The following PELI2 variants were observed in gnomAD, a reference collection of about 807,000 sequenced individuals.
PELI2 encodes E3 ubiquitin-protein ligase pellino homolog 2.
Under a neutral mutation model 42.3 loss-of-function variants are expected in PELI2, and 23 were observed. The observed-to-expected ratio is 0.54, with a 90% CI of 0.39 to 0.77. The LOEUF is 0.77. PELI2 is among the 30% of genes least tolerant of loss of function. PELI2 has a pLI of 0.00. For synonymous variants in PELI2, 245 were observed against 212.2 expected (o/e 1.15, Z -1.34); for missense variants, 463 against 553.2 (o/e 0.84, Z 1.64).
chr14:56,265,201 A>G (rs1406983806), intron 2 of PELI2, among the ~76,000 whole-genome samples: 1 of 152,162 alleles, frequency 6.6e-6, no homozygotes, highest in Non-Finnish European at 1.5e-5. Flanking sequence ...AAACATAAGA[A>G]CAGAATTGGA....
intron 1 of PELI2, among the ~76,000 whole-genome samples, chr14:56,127,735 T>G (rs1006538466): frequency 6.6e-6 from 1 of 152,220 alleles, no homozygotes; most frequent in Non-Finnish European, 1.5e-5. Context: ...ATTCCTCTAG[T>G]AGCTAAAGTG....
At chr14:56,152,778 G>A (rs1428809775) in intron 1 of PELI2, among the ~76,000 whole-genome samples, 1 of 152,120 alleles carries the variant, frequency 6.6e-6, no homozygotes, top group African/African-American at 2.4e-5. Flanking sequence ...AATTCTTATA[G>A]TAGATATATT....
At chr14:56,130,373 C>G (rs936092392) in intron 1 of PELI2, among the ~76,000 whole-genome samples, 6 of 152,146 alleles carry the variant, frequency 3.9e-5, no homozygotes, top group Non-Finnish European at 4.4e-5. Flanking sequence ...GAACCTAGGT[C>G]TTTCTGACTC....
chr14:56,275,208 C>T (rs1477195520), intron 2 of PELI2, among the ~76,000 whole-genome samples: 1 of 152,110 alleles, frequency 6.6e-6, no homozygotes, highest in African/African-American at 2.4e-5. Context: ...TGGCGACCTG[C>T]GTTCTCATCA....
At chr14:56,162,951 A>AT (rs35985019) in intron 1 of PELI2, among the ~76,000 whole-genome samples, 1,896 of 150,942 alleles carry the variant, frequency 0.013, 38 homozygotes, top group African/African-American at 0.043. Flanking sequence ...GGATTGTTAG[A>AT]TTTTTTTTTT....
chr14:56,265,626 AC>A (rs1888874123), intron 2 of PELI2, among the ~76,000 whole-genome samples: 1 of 152,124 alleles, frequency 6.6e-6, no homozygotes, highest in African/African-American at 2.4e-5. Context: ...TTAAGAACTT[AC>A]GCCTTTGGAA....
At chr14:56,232,999 T>A (rs1024901868) in intron 2 of PELI2, among the ~76,000 whole-genome samples, 4 of 152,026 alleles carry the variant, frequency 2.6e-5, no homozygotes, top group African/African-American at 9.7e-5. Flanking sequence ...GAAGTCCCAT[T>A]CACAGTTGCT....
At chr14:56,148,188 A>G (rs1884204196) in intron 1 of PELI2, among the ~76,000 whole-genome samples, 1 of 151,976 alleles carries the variant, frequency 6.6e-6, no homozygotes, top group Non-Finnish European at 1.5e-5. Context: ...AGCTTTTTTT[A>G]CTTCCTTATG....
Position 56,180,770 on chromosome 14 carries a change from C to CT in PELI2, c.207+2307dup, listed in dbSNP as rs1416523450. On this transcript the variant is annotated intron_variant, in intron 2 of 5. Coordinates refer to ENST00000267460, the MANE Select transcript of PELI2 (RefSeq NM_021255.3). This position sits in a 1 kb window ranked among gnomAD's most constrained non-coding sequence, Gnocchi z 4.4. Reference sequence around the variant, plus strand: ...CCTTACTCCTGCTCCCTCTCAAACTCTCATCCCTGCCAGCTGTGCCAGGCC... The same window carrying CT: ...CCTTACTCCTGCTCCCTCTCAAACTCTTCATCCCTGCCAGCTGTGCCAGGCC... 6.6e-6 allele frequency among the ~76,000 whole-genome samples: 1 copy of CT among 152,276 alleles called. No homozygotes were observed. Among genetic ancestry groups the CT allele is most frequent in the Admixed American group, 6.5e-5 (1 of 15,300 alleles).
Position 56,297,286 on chromosome 14 carries a change from A to ATT in PELI2, c.*120_*121insTT. 3 of 666,988 alleles carry ATT rather than the reference A, an allele frequency of 4.5e-6. No individual in the cohort carries two copies. Among genetic ancestry groups the ATT allele is most frequent in the Non-Finnish European group, 7.7e-6 (3 of 387,312 alleles). 41.3% of individuals were successfully genotyped at this position (666,988 alleles called of 1,614,324 possible). On this transcript the variant is annotated 3_prime_UTR_variant, in exon 6 of 6. Coordinates refer to ENST00000267460, the MANE Select transcript of PELI2 (RefSeq NM_021255.3). ...GAGGAGGGTGACAGGGGCTGGAAAT[A>ATT]AAGAGAGGGGACATGGTGATGAAAC...
intron 2 of PELI2, among the ~76,000 whole-genome samples, chr14:56,278,269 TTAAC>T (rs1034749569): frequency 2.0e-5 from 3 of 152,310 alleles, no homozygotes; most frequent in African/African-American, 7.2e-5. Context: ...TGAGGTATAA[TTAAC>T]AAATAAAAAT....
At chr14:56,270,746 C>T (rs572705962) in intron 2 of PELI2, among the ~76,000 whole-genome samples, 1 of 152,324 alleles carries the variant, frequency 6.6e-6, no homozygotes, top group East Asian at 1.9e-4. Context: ...GTGCTACTGA[C>T]ATTGACTCCC....
chr14:56,153,270 A>G (rs1884428847), intron 1 of PELI2, among the ~76,000 whole-genome samples: 1 of 152,224 alleles, frequency 6.6e-6, no homozygotes, highest in African/African-American at 2.4e-5. Flanking sequence ...CCATTTGGAA[A>G]AACGGGGTTT....
At chr14:56,203,566 A>G (rs1886413663) in intron 2 of PELI2, among the ~76,000 whole-genome samples, 1 of 152,196 alleles carries the variant, frequency 6.6e-6, no homozygotes, top group African/African-American at 2.4e-5. Flanking sequence ...AGAGTTGGAC[A>G]GTGAAGGACA....
chr14:56,162,166 T>C (rs1287376825), intron 1 of PELI2, among the ~76,000 whole-genome samples: 1 of 152,242 alleles, frequency 6.6e-6, no homozygotes, highest in Non-Finnish European at 1.5e-5. Flanking sequence ...AACTAAGTTA[T>C]TATTGACTGT....
intron 2 of PELI2, among the ~76,000 whole-genome samples, chr14:56,232,944 A>G (rs1402429856): frequency 2.0e-5 from 3 of 152,136 alleles, no homozygotes; most frequent in Admixed American, 6.6e-5. Flanking sequence ...AAAAATCACA[A>G]GCATTCCTAT....
chr14:56,296,751 A>C lies in PELI2; in HGVS notation c.848A>C (p.Gln283Pro). Residue 283 changes from glutamine to proline, a missense_variant, in exon 6 of 6, where the codon CAG becomes CCG. This residue lies in a region of PELI2 where 343 missense variants were observed against 378.4 expected (regional missense o/e 0.91). Coordinates refer to ENST00000267460, the MANE Select transcript of PELI2 (RefSeq NM_021255.3). Reference sequence around the variant, plus strand: ...CAGGAGATTAACGCCGCCCGGCCTCAGTGTCCTGTGGGGCTCAACACCCTG... The same window carrying C: ...CAGGAGATTAACGCCGCCCGGCCTCCGTGTCCTGTGGGGCTCAACACCCTG... ...LRQEINAARP[Q>P]CPVGLNTLAF... 2 of 1,614,106 alleles carry C rather than the reference A, an allele frequency of 1.2e-6. No homozygotes were observed. Among genetic ancestry groups the C allele is most frequent in the Non-Finnish European group, 1.7e-6 (2 of 1,180,002 alleles).
intron 2 of PELI2, among the ~76,000 whole-genome samples, chr14:56,268,453 T>G (rs1222051536): frequency 6.6e-6 from 1 of 152,304 alleles, no homozygotes; most frequent in Admixed American, 6.5e-5. Context: ...ACTCCTCTTC[T>G]TACAGGAGAC....
intron 1 of PELI2, among the ~76,000 whole-genome samples, chr14:56,149,945 TC>T (rs1471402153): frequency 2.0e-5 from 3 of 152,302 alleles, no homozygotes; most frequent in African/African-American, 4.8e-5. Context: ...AGGTCTTGCT[TC>T]CCTCTAACTC....
Sources: allele counts gnomAD v4.1 joint callset (sites outside exome capture counted in the v4.1 genomes callset), GRCh38; gene constraint gnomAD v4.1.1; regional missense constraint gnomAD v4.1.1; non-coding constraint Gnocchi (gnomAD v3.1); transcripts MANE v1.5; gene names NCBI Gene and HGNC (gene_info 2026-07-23, HGNC 2026-07-21).